The following COLGALT2 variants were observed in gnomAD, a reference collection of about 807,000 sequenced individuals.
COLGALT2 encodes collagen beta(1-O)galactosyltransferase 2.
A neutral mutation model predicts 73.4 loss-of-function variants in COLGALT2; 49 were observed. The observed-to-expected ratio is 0.67, with a 90% CI of 0.53 to 0.85. The LOEUF is 0.85. Among genes scored for constraint, COLGALT2 ranks in the 40% least tolerant of loss-of-function variants. The pLI is 0.00. For synonymous variants in COLGALT2, 295 were observed against 307.6 expected (o/e 0.96, Z 0.43); for missense variants, 722 against 790.2 (o/e 0.91, Z 1.03).
At chr1:184,011,208 G>A (rs995747956) in intron 1 of COLGALT2, among the ~76,000 whole-genome samples, 5 of 152,116 alleles carry the variant, frequency 3.3e-5, no homozygotes, top group Non-Finnish European at 7.4e-5. Context: ...AGTCAAGCAC[G>A]TTAAGACACT....
Position 184,037,382 on chromosome 1 carries a change from G to T in COLGALT2, c.-25C>A. On this transcript the variant is annotated 5_prime_UTR_variant, in exon 1 of 12. Transcript: ENST00000361927. ...TGTTCCGGGCCGAGGCGGGCGGCGGGGAAGTCCTGGCGCGAGCGCCCGGCT... is the reference window on the plus strand; with the variant it reads ...TGTTCCGGGCCGAGGCGGGCGGCGGTGAAGTCCTGGCGCGAGCGCCCGGCT... 1 of 1,387,314 alleles carries T rather than the reference G, an allele frequency of 7.2e-7. No homozygotes were observed. Among genetic ancestry groups the T allele is most frequent in the Non-Finnish European group, 9.3e-7 (1 of 1,070,714 alleles). 85.9% of individuals were successfully genotyped at this position (1,387,314 alleles called of 1,614,324 possible). A position where few individuals can be genotyped will look rare whatever the true frequency, so the allele number is the denominator to read the frequency against.
At chr1:183,930,353 A>G (rs1478799171) in intron 11 of COLGALT2, 1 of 453,350 alleles carries the variant, frequency 2.2e-6, no homozygotes. Flanking sequence ...ACTAGAAAGA[A>G]CAATTTAATT....
intron 1 of COLGALT2, among the ~76,000 whole-genome samples, chr1:183,994,053 T>G (rs911156053): frequency 9.5e-6 from 1 of 105,322 alleles, no homozygotes; most frequent in African/African-American, 5.3e-5. Flanking sequence ...TTTTTTTTTT[T>G]TTTGAGACAG....
downstream of COLGALT2, among the ~76,000 whole-genome samples, chr1:183,931,812 G>C (rs1026557307): frequency 1.8e-5 from 2 of 109,886 alleles, no homozygotes; most frequent in African/African-American, 6.5e-5. Context: ...AAAAAAAAAA[G>C]AAGAAGAAGA....
chr1:183,984,564 G>A (rs1442162245), intron 1 of COLGALT2, among the ~76,000 whole-genome samples: 2 of 152,174 alleles, frequency 1.3e-5, no homozygotes, highest in African/African-American at 4.8e-5. Flanking sequence ...CACTTTTAGG[G>A]GAGCTGTGGC....
intron 1 of COLGALT2, among the ~76,000 whole-genome samples, chr1:184,024,524 T>C (rs1430544463): frequency 6.6e-6 from 1 of 151,954 alleles, no homozygotes; most frequent in African/African-American, 2.4e-5. Context: ...GGCTAATTTT[T>C]GTATTTTAGT....
intron 7 of COLGALT2, among the ~76,000 whole-genome samples, chr1:183,952,240 T>C (rs1670420215): frequency 6.6e-6 from 1 of 152,198 alleles, no homozygotes; most frequent in African/African-American, 2.4e-5. Context: ...CTAGTGACTT[T>C]AACTGCCAGT....
chr1:183,983,283 G>T (rs1018850259), intron 1 of COLGALT2, among the ~76,000 whole-genome samples: 1 of 152,188 alleles, frequency 6.6e-6, no homozygotes, highest in African/African-American at 2.4e-5. Flanking sequence ...AGAGGAGGAA[G>T]AGCAGTGAGG....
chr1:183,945,718 A>C, intron 8 of COLGALT2, 154 bp from the exon 9 acceptor site: 1 of 808,944 alleles, frequency 1.2e-6, no homozygotes, highest in South Asian at 1.8e-5. Context: ...CTCCAGGCTA[A>C]TGTGTCACAC....
chr1:183,951,368 T>C (rs917689775), intron 7 of COLGALT2, among the ~76,000 whole-genome samples: 9 of 152,180 alleles, frequency 5.9e-5, no homozygotes, highest in Non-Finnish European at 8.8e-5. Context: ...ATAAATATGT[T>C]CTCCCTTCTC....
At chr1:183,944,392 G>C (rs183889847) in intron 9 of COLGALT2, 69 bp from the exon 10 acceptor site, 2 of 1,528,958 alleles carry the variant, frequency 1.3e-6, no homozygotes, top group Non-Finnish European at 1.8e-6. Context: ...AGATAAATAA[G>C]TATTAAAAAG....
intron 6 of COLGALT2, among the ~76,000 whole-genome samples, chr1:183,955,797 G>T (rs1670537092): frequency 6.6e-6 from 1 of 152,204 alleles, no homozygotes; most frequent in South Asian, 2.1e-4. Context: ...GTTGTTGAAA[G>T]AACTATGGGT....
chr1:183,976,293 T>C (rs543476441), intron 2 of COLGALT2, among the ~76,000 whole-genome samples: 22 of 151,660 alleles, frequency 1.5e-4, no homozygotes, highest in African/African-American at 5.3e-4. Flanking sequence ...GACTTCACTG[T>C]TAAATTTTGC....
intron 1 of COLGALT2, among the ~76,000 whole-genome samples, chr1:184,002,800 A>G (rs1003673197): frequency 1.3e-5 from 2 of 152,206 alleles, no homozygotes; most frequent in Non-Finnish European, 2.9e-5. Context: ...ATCTTGATGC[A>G]AAAGACTGGG....
At chr1:184,008,728 T>C (rs1431783021) in intron 1 of COLGALT2, among the ~76,000 whole-genome samples, 1 of 152,162 alleles carries the variant, frequency 6.6e-6, no homozygotes, top group Non-Finnish European at 1.5e-5. Flanking sequence ...AGATCCTGTC[T>C]CTAAAAAATA....
chr1:184,037,446 G>C lies in COLGALT2; in HGVS notation c.-89C>G, dbSNP rs914751875. 8.2e-7 allele frequency: 1 copy of C among 1,222,712 alleles called. No individual in the cohort carries two copies. The highest frequency in any genetic ancestry group is 1.0e-6 in the Non-Finnish European group (1 of 983,788). 75.7% of individuals were successfully genotyped at this position (1,222,712 alleles called of 1,614,324 possible). A position where few individuals can be genotyped will look rare whatever the true frequency, so the allele number is the denominator to read the frequency against. ...GCGGCGGCGGCTGCCGGGGAGCAAG[G>C]GGCTGCGAGGGGCGGCCGGGGGATG... On this transcript the variant is annotated 5_prime_UTR_variant, in exon 1 of 12. Coordinates refer to ENST00000361927, the MANE Select transcript of COLGALT2 (RefSeq NM_015101.4).
chr1:184,009,501 T>G (rs1215610749), intron 1 of COLGALT2, among the ~76,000 whole-genome samples: 1 of 152,214 alleles, frequency 6.6e-6, no homozygotes, highest in Non-Finnish European at 1.5e-5. Context: ...TCAGATTATG[T>G]CTACTTATTT....
Position 183,943,548 on chromosome 1 carries a change from A to G in COLGALT2, c.1397+648T>C, listed in dbSNP as rs183429423. On this transcript the variant is annotated intron_variant, in intron 10 of 11. Coordinates refer to ENST00000361927, the MANE Select transcript of COLGALT2 (RefSeq NM_015101.4). ...AGGAAAAATGAAAGGGAAGGGAAGAAAAAAGCAGAAGCCACTCAATTCCCA... is the reference window on the plus strand; with the variant it reads ...AGGAAAAATGAAAGGGAAGGGAAGAGAAAAGCAGAAGCCACTCAATTCCCA... Among the ~76,000 whole-genome samples the G allele has an allele frequency of 3.9e-5, 6 of 152,206 alleles. No homozygotes were observed. The East Asian group carries it at 1.2e-3, about 29-fold the overall frequency.
chr1:184,015,150 C>T (rs549573853), intron 1 of COLGALT2, among the ~76,000 whole-genome samples: 73 of 151,588 alleles, frequency 4.8e-4, no homozygotes, highest in African/African-American at 1.6e-3. Flanking sequence ...AATTGGTCCA[C>T]GCTAGAAGGA....
Sources: gnomAD v4.1 joint callset for allele counts (sites outside exome capture counted in the v4.1 genomes callset) on GRCh38, gnomAD v4.1.1 for gene constraint, MANE v1.5 for transcripts, NCBI Gene and HGNC (gene_info 2026-07-23, HGNC 2026-07-21) for gene names.